Variants in FZD3 observed in about 807,000 individuals in gnomAD.
FZD3 encodes frizzled class receptor 3.
FZD3 carries 30 observed loss-of-function variants against 60.7 expected under a neutral mutation model. The ratio of observed to expected loss-of-function variants is 0.49; its 90% CI spans 0.37 to 0.67. The LOEUF (loss-of-function observed/expected upper bound fraction) is 0.67, where lower values mean the gene tolerates loss of function less well. Ranked by LOEUF, FZD3 falls within the 30% of genes least tolerant of loss-of-function variation. FZD3 has a pLI of 0.00. For synonymous variants in FZD3, 246 were observed against 275.2 expected (o/e 0.89, Z 1.05); for missense variants, 605 against 838.7 (o/e 0.72, Z 3.44).
At chr8:28,533,122 A>G (rs1804921774) in intron 5 of FZD3, among the ~76,000 whole-genome samples, 1 of 152,090 alleles carries the variant, frequency 6.6e-6, no homozygotes, top group Non-Finnish European at 1.5e-5. Context: ...CATTTTTAAA[A>G]TGTTTTTACC....
chr8:28,529,862 G>A (rs1804817494), intron 5 of FZD3, among the ~76,000 whole-genome samples: 1 of 152,132 alleles, frequency 6.6e-6, no homozygotes, highest in Non-Finnish European at 1.5e-5. Flanking sequence ...CTCTGAGAGA[G>A]AGATGTTGAG....
At chr8:28,497,487 G>A (rs1803874286) in intron 1 of FZD3, among the ~76,000 whole-genome samples, 1 of 152,120 alleles carries the variant, frequency 6.6e-6, no homozygotes, top group Admixed American at 6.5e-5. Context: ...GATAGTTATT[G>A]CTAATCCTTG....
At position 28,555,765 on chromosome 8, in the gene FZD3, C is replaced by T. The variant is rs2130464996; in HGVS notation, c.1581C>T (p.Leu527=). 6.2e-7 allele frequency: 1 copy of T among 1,611,758 alleles called. No homozygotes were observed. Among genetic ancestry groups the T allele is most frequent in the Non-Finnish European group, 8.5e-7 (1 of 1,177,818 alleles). ...TAGTGAATGAGAGCCGACAGGTACT[C>T]CAGGAACCTGATTTTGCTCAGTCTC... ...KEIVNESRQV[L]QEPDFAQSLL... Residue 527 remains leucine, a synonymous_variant, in exon 7 of 8, where the codon CTC becomes CTT. Transcript: ENST00000240093.
chr8:28,513,975 G>C (rs1428834510), intron 3 of FZD3, among the ~76,000 whole-genome samples: 1 of 152,178 alleles, frequency 6.6e-6, no homozygotes, highest in Non-Finnish European at 1.5e-5. Context: ...TTTGAAAGAA[G>C]AAAGAGAATG....
intron 5 of FZD3, among the ~76,000 whole-genome samples, chr8:28,550,903 G>A (rs936405923): frequency 3.3e-5 from 5 of 152,046 alleles, no homozygotes; most frequent in Non-Finnish European, 7.4e-5. Flanking sequence ...TTCTATAGAA[G>A]TTTTAAATTT....
intron 5 of FZD3, among the ~76,000 whole-genome samples, chr8:28,541,499 A>G (rs1362716238): frequency 6.6e-6 from 1 of 152,168 alleles, no homozygotes; most frequent in Non-Finnish European, 1.5e-5. Flanking sequence ...AATATTTCTA[A>G]TTTACACAGA....
At chr8:28,514,433 CATTCAGTTTGATG>C (rs1804370718) in intron 3 of FZD3, among the ~76,000 whole-genome samples, 1 of 151,802 alleles carries the variant, frequency 6.6e-6, no homozygotes, top group African/African-American at 2.4e-5. Flanking sequence ...TCATATAAAG[CATTCAGTTTGATG>C]AGTTTTGACA....
chr8:28,534,890 A>G (rs1011464824), intron 5 of FZD3, among the ~76,000 whole-genome samples: 1 of 152,230 alleles, frequency 6.6e-6, no homozygotes, highest in African/African-American at 2.4e-5. Context: ...AGTGTGCCTT[A>G]TAGAACACTT....
In FZD3 at chr8:28,520,768, A is replaced by G. The variant is rs1804556879; in HGVS notation, c.320A>G (p.Tyr107Cys). 6.2e-7 allele frequency: 1 copy of G among 1,611,810 alleles called. No homozygotes were observed. The highest frequency in any genetic ancestry group is 1.7e-5 in the Admixed American group (1 of 59,820). The change falls in exon 4 of 8, where the codon TAC becomes TGC. Residue 107 changes from tyrosine to cysteine, a missense_variant. By Grantham distance (194) the Tyr-to-Cys change is radical. Coordinates refer to ENST00000240093, the MANE Select transcript of FZD3 (RefSeq NM_017412.4). ...TGTCGTAGGCTGTGTCAGCGGGCTT[A>G]CAGTGAGTGTTCGAAGCTCATGGAG... ...LPCRRLCQRA[Y>C]SECSKLMEMF...
Position 28,564,524 on chromosome 8 carries a change from C to T in FZD3, c.*1513C>T, listed in dbSNP as rs1002776160. On this transcript the variant is annotated 3_prime_UTR_variant, in exon 8 of 8. Transcript: ENST00000240093. ...TGAAACTCACTACTTTAACTTGCCCCTGATGATCTGTCGGCATCATATATC... is the reference window on the plus strand; with the variant it reads ...TGAAACTCACTACTTTAACTTGCCCTTGATGATCTGTCGGCATCATATATC... 1.3e-5 allele frequency: 2 copies of T among 150,692 alleles called. No individual in the cohort carries two copies. Among genetic ancestry groups the T allele is most frequent in the Admixed American group, 6.6e-5 (1 of 15,132 alleles). 9.3% of individuals were successfully genotyped at this position (150,692 alleles called of 1,614,324 possible).
At chr8:28,534,624 C>T (rs1273326862) in intron 5 of FZD3, among the ~76,000 whole-genome samples, 1 of 152,156 alleles carries the variant, frequency 6.6e-6, no homozygotes, top group Non-Finnish European at 1.5e-5. Context: ...ATTCTTCTTC[C>T]CCACATCCCC....
chr8:28,537,608 AAAGCTTT>A (rs1438103436), intron 5 of FZD3, among the ~76,000 whole-genome samples: 1 of 152,228 alleles, frequency 6.6e-6, no homozygotes, highest in African/African-American at 2.4e-5. Context: ...GTATTCCAAT[AAAGCTTT>A]ATTTGTAGAA....
chr8:28,530,796 TA>T (rs11294741), intron 5 of FZD3, among the ~76,000 whole-genome samples: 91,037 of 151,840 alleles, frequency 0.6, 27,511 homozygotes, highest in East Asian at 0.65. Flanking sequence ...TACGTAGTTA[TA>T]AAAAAATGTT....
At position 28,494,311 on chromosome 8, in the gene FZD3, C is replaced by CCCG. The variant is rs1554530345; in HGVS notation, c.-421_-420insGCC. 2.0e-5 allele frequency: 3 copies of CCCG among 151,682 alleles called. No individual in the cohort carries two copies. Among genetic ancestry groups the CCCG allele is most frequent in the African/African-American group, 7.3e-5 (3 of 41,330 alleles). The allele number at this position is 151,682 out of a possible 1,614,324, so 9.4% of individuals were successfully genotyped here. A position where few individuals can be genotyped will look rare whatever the true frequency, so the allele number is the denominator to read the frequency against. ...CGCCCGCGGCAGGCGGTGCAGCCCCCCCACCCCTTGGAGCCAGGCGCCGGG... is the reference window on the plus strand; with the variant it reads ...CGCCCGCGGCAGGCGGTGCAGCCCCCCCGCCACCCCTTGGAGCCAGGCGCCGGG... On this transcript the variant is annotated 5_prime_UTR_variant, in exon 1 of 8. Transcript: ENST00000240093.
intron 6 of FZD3, 93 bp from the exon 7 acceptor site, chr8:28,555,645 T>C: frequency 1.3e-6 from 1 of 755,770 alleles, no homozygotes; most frequent in South Asian, 1.7e-5. Context: ...AAGCAATTAA[T>C]TTCAAGAATA....
chr8:28,521,179 G>A (rs995377325), intron 4 of FZD3, among the ~76,000 whole-genome samples: 4 of 152,006 alleles, frequency 2.6e-5, no homozygotes, highest in African/African-American at 7.2e-5. Flanking sequence ...TCATCATTGC[G>A]GGGGCTTAAA....
chr8:28,540,936 C>G (rs969807172), intron 5 of FZD3, among the ~76,000 whole-genome samples: 7 of 151,960 alleles, frequency 4.6e-5, no homozygotes, highest in Non-Finnish European at 8.8e-5. Context: ...ACAGAGTGAG[C>G]CCCTTTCAAT....
rs1398338211 is a variant in FZD3 at position 28,503,037 on chromosome 8, C to T, written c.24C>T (p.Phe8=). The change falls in exon 3 of 8, where the codon TTC becomes TTT. Residue 8 remains phenylalanine, a synonymous_variant. Transcript: ENST00000240093. ...GGATGGCTATGACTTGGATTGTCTT[C>T]TCTCTTTGGCCCTTGACTGTGTTCA... The part of the protein sequence containing the change: MAMTWIV[F]SLWPLTVFMG... 6.2e-7 allele frequency: 1 copy of T among 1,613,030 alleles called. No homozygotes were observed. The highest frequency in any genetic ancestry group is 1.3e-5 in the African/African-American group (1 of 75,016).
At chr8:28,497,400 A>C (rs948310049) in intron 1 of FZD3, among the ~76,000 whole-genome samples, 1 of 152,232 alleles carries the variant, frequency 6.6e-6, no homozygotes. Flanking sequence ...GGAAAGTAAC[A>C]TTTGAGCAAT....
Sources: gnomAD v4.1 joint callset for allele counts (sites outside exome capture counted in the v4.1 genomes callset) on GRCh38, gnomAD v4.1.1 for gene constraint, MANE v1.5 for transcripts, NCBI Gene and HGNC (gene_info 2026-07-23, HGNC 2026-07-21) for gene names.